The following CCDC187 variants were observed in gnomAD, a reference collection of about 807,000 sequenced individuals.
CCDC187 encodes the protein coiled-coil domain-containing protein 187.
Under a neutral mutation model 38.0 loss-of-function variants are expected in CCDC187, and 32 were observed. The observed-to-expected ratio is 0.84, with a 90% confidence interval of 0.64 to 1.13. CCDC187 has a LOEUF of 1.13. CCDC187 is among the 50% of genes most tolerant of loss of function. The pLI is 0.00. For synonymous variants in CCDC187, 333 were observed against 347.9 expected (o/e 0.96, Z 0.48); for missense variants, 707 against 786.8 (o/e 0.90, Z 1.21).
At chr9:136,285,285 G>A (rs921278796) in intron 9 of CCDC187, among the ~76,000 whole-genome samples, 53 of 152,266 alleles carry the variant, frequency 3.5e-4, no homozygotes, top group African/African-American at 1.3e-3. Flanking sequence ...ATTCGTGGGG[G>A]GAGTGTCTGA....
chr9:136,287,159 C>T (rs1033385164), intron 7 of CCDC187, among the ~76,000 whole-genome samples: 1 of 152,186 alleles, frequency 6.6e-6, no homozygotes, highest in African/African-American at 2.4e-5. Context: ...TCCACCGACA[C>T]GGCGGAATAG....
chr9:136,284,108 TC>T (rs1831113902), intron 9 of CCDC187, among the ~76,000 whole-genome samples: 1 of 151,794 alleles, frequency 6.6e-6, no homozygotes, highest in East Asian at 1.9e-4. Flanking sequence ...CCAGGAAATG[TC>T]CCAGCAGGAG....
intron 9 of CCDC187, among the ~76,000 whole-genome samples, chr9:136,284,237 C>G (rs1330702203): frequency 6.6e-6 from 1 of 152,158 alleles, no homozygotes; most frequent in Non-Finnish European, 1.5e-5. Flanking sequence ...CCACTGCCAC[C>G]CTAGGGCTAC....
chr9:136,301,575 T>C (rs1367679791), intron 2 of CCDC187, among the ~76,000 whole-genome samples: 1 of 146,290 alleles, frequency 6.8e-6, no homozygotes, highest in Admixed American at 7.2e-5. Flanking sequence ...TTTTATGTTA[T>C]GCATACGTTA....
intron 16 of CCDC187, 183 bp from the exon 17 acceptor site, chr9:136,266,226 CCAACCCGGGCTGT>C: frequency 5.9e-6 from 1 of 169,710 alleles, no homozygotes; most frequent in Non-Finnish European, 1.2e-5. Flanking sequence ...GCCAGATGGC[CCAACCCGGGCTGT>C]CACTCTTCCA....
Position 136,259,456 on chromosome 9 carries a change from A to G in CCDC187, c.4211-8T>C, listed in dbSNP as rs1220953141. ...GAGGCTGCTCCCCAGGCTCTGAAAG[A>G]CACAATCCCAGGAGTCACCAGCAGC... On this transcript the variant is annotated splice_region_variant and splice_polypyrimidine_tract_variant and intron_variant, in intron 20 of 25. Transcript: ENST00000638797. The G allele has an allele frequency of 1.0e-6, 1 of 985,164 alleles. No homozygotes were observed. The highest frequency in any genetic ancestry group is 1.2e-6 in the Non-Finnish European group (1 of 830,032). 61.0% of individuals were successfully genotyped at this position (985,164 alleles called of 1,614,324 possible). A position where few individuals can be genotyped will look rare whatever the true frequency, so the allele number is the denominator to read the frequency against.
Position 136,290,043 on chromosome 9 carries a change from G to A in CCDC187, c.2138C>T (p.Ala713Val), listed in dbSNP as rs1037217046. The change falls in exon 7 of 26, where the codon GCC becomes GTC. Residue 713 changes from alanine to valine, a missense_variant. By Grantham distance (64) the Ala-to-Val change is moderately conservative. Transcript: ENST00000638797. ...PSSAQSGGLE[A>V]SGSLESPVLE... ...CACTGGGGACTCCAGGCTCCCGGAG[G>A]CTTCCAGGCCCTAAAGTAGAGGGCA... 1.5e-5 allele frequency: 6 copies of A among 398,722 alleles called. No individual in the cohort carries two copies. In the South Asian group the frequency reaches 3.8e-4, roughly 25 times the overall value. 24.7% of individuals were successfully genotyped at this position (398,722 alleles called of 1,614,324 possible).
chr9:136,270,645 G>C (rs1273238845), intron 14 of CCDC187, among the ~76,000 whole-genome samples: 1 of 152,186 alleles, frequency 6.6e-6, no homozygotes, highest in Non-Finnish European at 1.5e-5. Flanking sequence ...GGCAAGCCTG[G>C]ATAATATCTA....
chr9:136,258,740 G>C lies in CCDC187; in HGVS notation c.4366+192C>G. 1 of 985,452 alleles carries C rather than the reference G, an allele frequency of 1.0e-6. No individual in the cohort carries two copies. The highest frequency in any genetic ancestry group is 1.2e-6 in the Non-Finnish European group (1 of 829,938). The allele number at this position is 985,452 out of a possible 1,614,324, so 61.0% of individuals were successfully genotyped here. ...CCAGAAGAGCCGCTGCGTCACCTCC[G>C]GTAGGAGATGGAGCCGGCCACTCTT... On this transcript the variant is annotated intron_variant, in intron 22 of 25. Transcript: ENST00000638797. This position sits in a 1 kb window ranked among gnomAD's most constrained non-coding sequence, Gnocchi z 4.3.
At chr9:136,276,351 G>A (rs1209288469) in intron 11 of CCDC187, 50 bp from the exon 12 acceptor site, 5 of 152,190 alleles carry the variant, frequency 3.3e-5, no homozygotes, top group African/African-American at 4.8e-5. Flanking sequence ...CAGCCAGGGA[G>A]GGTGGGCCCC....
chr9:136,250,154 C>T lies in CCDC187; in HGVS notation c.*3440G>A, dbSNP rs1240158978. On this transcript the variant is annotated 3_prime_UTR_variant, in exon 26 of 26. Transcript: ENST00000638797. ...GTTGGGAGATTAAATGCGTTTACAC[C>T]TCTGCTGAAGCGGCTTTTTCTCCGG... is the stretch of plus-strand genomic sequence containing the variant. 1 of 158,456 alleles carries T rather than the reference C, an allele frequency of 6.3e-6. No homozygotes were observed. The highest frequency in any genetic ancestry group is 1.4e-5 in the Non-Finnish European group (1 of 71,392). The allele number at this position is 158,456 out of a possible 1,614,324, so 9.8% of individuals were successfully genotyped here. A position where few individuals can be genotyped will look rare whatever the true frequency, so the allele number is the denominator to read the frequency against.
intron 24 of CCDC187, 74 bp from the exon 25 acceptor site, chr9:136,255,807 G>A (rs928850462): frequency 1.4e-5 from 11 of 765,298 alleles, no homozygotes; most frequent in Non-Finnish European, 1.7e-5. Context: ...CCACTGTCAG[G>A]GACCCCACCA....
rs958456685 is a variant in CCDC187, at chr9:136,267,772, A to T, written c.3520-261T>A. 8 of 921,294 alleles carry T rather than the reference A, an allele frequency of 8.7e-6. No individual in the cohort carries two copies. The African/African-American group carries it at 1.4e-4, about 16-fold the overall frequency. 57.1% of individuals were successfully genotyped at this position (921,294 alleles called of 1,614,324 possible). ...CCACCAGCCCTGATCCAGGAAGCCCAGGCCACCTGCCCTAAAATATACAAC... is the reference window on the plus strand; with the variant it reads ...CCACCAGCCCTGATCCAGGAAGCCCTGGCCACCTGCCCTAAAATATACAAC... On this transcript the variant is annotated intron_variant, in intron 15 of 25. Coordinates refer to ENST00000638797, the MANE Select transcript of CCDC187 (RefSeq NM_001378188.1).
chr9:136,278,514 C>T (rs1830976646), intron 10 of CCDC187, among the ~76,000 whole-genome samples: 1 of 152,188 alleles, frequency 6.6e-6, no homozygotes, highest in Non-Finnish European at 1.5e-5. Flanking sequence ...TGAGGAGCCC[C>T]AAAAGTCTAG....
chr9:136,295,122 C>T (rs1434760285), intron 4 of CCDC187, among the ~76,000 whole-genome samples: 2 of 152,192 alleles, frequency 1.3e-5, no homozygotes, highest in Non-Finnish European at 2.9e-5. Context: ...GTGTCAAAGG[C>T]CGGAGTTGAG....
chr9:136,266,520 A>G (rs1830751288), intron 16 of CCDC187: 1 of 152,238 alleles, frequency 6.6e-6, no homozygotes, highest in African/African-American at 2.4e-5. Context: ...TGACCCGGTC[A>G]TTCCATTTCT....
chr9:136,253,318 TC>T lies in CCDC187; in HGVS notation c.*275del, dbSNP rs1830571908. Reference sequence around the variant, plus strand: ...CCCTGTGCCCAAAACAGGAGCCCAGTCCGCCGATCATCACTTCCACGTCACC... The same window carrying T: ...CCCTGTGCCCAAAACAGGAGCCCAGTCGCCGATCATCACTTCCACGTCACC... On this transcript the variant is annotated 3_prime_UTR_variant, in exon 26 of 26. Transcript: ENST00000638797. 6.5e-6 allele frequency: 1 copy of T among 153,074 alleles called. No individual in the cohort carries two copies. Among genetic ancestry groups the T allele is most frequent in the Non-Finnish European group, 1.5e-5 (1 of 68,808 alleles). The allele number at this position is 153,074 out of a possible 1,614,324, so 9.5% of individuals were successfully genotyped here.
Position 136,299,750 on chromosome 9 carries a change from G to T in CCDC187, c.724+470C>A, listed in dbSNP as rs1241917629. On this transcript the variant is annotated intron_variant, in intron 3 of 25. Coordinates refer to ENST00000638797, the MANE Select transcript of CCDC187 (RefSeq NM_001378188.1). Reference sequence around the variant, plus strand: ...CCCTTGGCCCCAGCCCCTTCCTCACGGGCCTGGGAGCCCGCCAACGGTTCA... The same window carrying T: ...CCCTTGGCCCCAGCCCCTTCCTCACTGGCCTGGGAGCCCGCCAACGGTTCA... 2.0e-5 allele frequency among the ~76,000 whole-genome samples: 3 copies of T among 152,236 alleles called. No individual in the cohort carries two copies. In the South Asian group the frequency reaches 6.2e-4, roughly 32 times the overall value.
At position 136,251,186 on chromosome 9, in the gene CCDC187, G is replaced by C. The variant is rs1554759357; in HGVS notation, c.*2408C>G. On this transcript the variant is annotated 3_prime_UTR_variant, in exon 26 of 26. Coordinates refer to ENST00000638797, the MANE Select transcript of CCDC187 (RefSeq NM_001378188.1). ...TGCTCATCAACTCCGCATTCAAGAAGAGACCCTCAGATTCAAAAGGGTCCC... is the reference window on the plus strand; with the variant it reads ...TGCTCATCAACTCCGCATTCAAGAACAGACCCTCAGATTCAAAAGGGTCCC... The C allele has an allele frequency of 2.8e-6, 1 of 361,344 alleles. No homozygotes were observed. Among genetic ancestry groups the C allele is most frequent in the South Asian group, 2.0e-5 (1 of 49,660 alleles). The allele number at this position is 361,344 out of a possible 1,614,324, so 22.4% of individuals were successfully genotyped here. A position where few individuals can be genotyped will look rare whatever the true frequency, so the allele number is the denominator to read the frequency against.
Sources: gnomAD v4.1 joint callset for allele counts (sites outside exome capture counted in the v4.1 genomes callset) on GRCh38, gnomAD v4.1.1 for gene constraint, Gnocchi (gnomAD v3.1) non-coding constraint, MANE v1.5 for transcripts, NCBI Gene and HGNC (gene_info 2026-07-23, HGNC 2026-07-21) for gene names.